The following NEB variants were observed in gnomAD, a reference collection of about 807,000 sequenced individuals.
The protein encoded by NEB is nebulin, also known as nemaline myopathy type 2.
In NEB, 512 loss-of-function variants were observed where a neutral mutation model predicts 952.2. The ratio of observed to expected loss-of-function variants is 0.54; its 90% CI spans 0.50 to 0.58. NEB has a LOEUF of 0.58. NEB is among the 20% of genes least tolerant of loss of function. The pLI is 0.00. For synonymous variants in NEB, 2,900 were observed against 3,149.8 expected (o/e 0.92, Z 2.66); for missense variants, 8,428 against 9,231.1 (o/e 0.91, Z 3.56).
chr2:151,567,584 TTTTG>T (rs1337395955), intron 113 of NEB, 105 bp from the exon 114 acceptor site: 9 of 1,077,284 alleles, frequency 8.4e-6, no homozygotes, highest in East Asian at 2.6e-5. Context: ...CCCCCCAGCT[TTTTG>T]TTTGACACCC....
intron 55 of NEB, among the ~76,000 whole-genome samples, chr2:151,645,235 A>C (rs913167376): frequency 6.6e-6 from 1 of 152,212 alleles, no homozygotes; most frequent in African/African-American, 2.4e-5. Context: ...CTGTTTCATT[A>C]GAAGTTTTTG....
At chr2:151,487,176 C>G (rs1357385798) in intron 181 of NEB, among the ~76,000 whole-genome samples, 1 of 152,072 alleles carries the variant, frequency 6.6e-6, no homozygotes, top group East Asian at 1.9e-4. Context: ...TTTGAAAACC[C>G]GTAGCACTAT....
At chr2:151,638,091 A>G (rs2098796618) in intron 63 of NEB, among the ~76,000 whole-genome samples, 1 of 152,242 alleles carries the variant, frequency 6.6e-6, no homozygotes, top group Non-Finnish European at 1.5e-5. Flanking sequence ...AGAAGAAATT[A>G]CAGAGATAAA....
At position 151,662,330 on chromosome 2, in the gene NEB, C is replaced by T. The variant is rs758849192; in HGVS notation, c.5775G>A (p.Lys1925=). Residue 1925 remains lysine (K), a synonymous_variant, in exon 46 of 182, where the codon AAG becomes AAA. Coordinates refer to ENST00000397345, the MANE Select transcript of NEB (RefSeq NM_001164508.2). ...MMQIQSDNQY[K]ADYADFMKGI... ...CCTTCATGAAGTCAGCATAGTCAGC[C>T]TTGTACTGATTCTGCAAAAGAGGAA... 1 of 1,584,546 alleles carries T rather than the reference C, an allele frequency of 6.3e-7. No homozygotes were observed. Among genetic ancestry groups the T allele is most frequent in the Non-Finnish European group, 8.6e-7 (1 of 1,164,302 alleles).
intron 156 of NEB, among the ~76,000 whole-genome samples, chr2:151,518,114 A>G (rs1319152176): frequency 6.6e-6 from 1 of 152,230 alleles, no homozygotes; most frequent in Admixed American, 6.5e-5. Context: ...CCAGTAGCAC[A>G]TAATTGCATG....
At chr2:151,506,873 G>A (rs2069461070) in intron 163 of NEB, 36 bp downstream of exon 163, 1 of 1,334,578 alleles carries the variant, frequency 7.5e-7, no homozygotes, top group Admixed American at 1.7e-5. Context: ...GAAATGACTA[G>A]GTTAGCATTA....
rs774219262 is a variant in NEB, at chr2:151,672,589, T to C, written c.4079A>G (p.Asn1360Ser). The C allele has an allele frequency of 2.5e-6, 4 of 1,613,900 alleles. No individual in the cohort carries two copies. Among genetic ancestry groups the C allele is most frequent in the Middle Eastern group, 1.6e-4 (1 of 6,084 alleles). ...ACGATCAGACTGCAGCTTTGCCACA[T>C]TCATATAGTGGACCAGCTTGGGATC... ...QDDPKLVHYM[N>S]VAKLQSDREY... is the part of the protein sequence containing the mutation. Residue 1360 changes from asparagine (N) to serine (S), a missense_variant, in exon 37 of 182, where the codon AAT becomes AGT. By Grantham distance (46) the Asn-to-Ser change is conservative (BLOSUM62 1). Around this residue, in one of 11 missense-constraint regions of NEB, gnomAD observed 2,851 missense variants for 2,791.5 expected, o/e 1.02. Coordinates refer to ENST00000397345, the MANE Select transcript of NEB (RefSeq NM_001164508.2).
chr2:151,624,136 A>G (rs1047888877), intron 71 of NEB, among the ~76,000 whole-genome samples: 1 of 152,190 alleles, frequency 6.6e-6, no homozygotes, highest in African/African-American at 2.4e-5. Flanking sequence ...TCCTCAGAGA[A>G]TCAACATCAT....
chr2:151,633,653 C>A lies in NEB; in HGVS notation c.9414+1G>T, dbSNP rs1255445731. 37 of 1,609,484 alleles carry A rather than the reference C, an allele frequency of 2.3e-5. No individual in the cohort carries two copies. Among genetic ancestry groups the A allele is most frequent in the Non-Finnish European group, 2.9e-5 (34 of 1,176,436 alleles). Reference sequence around the variant, plus strand: ...GCTCCATTTATAGATGCTGTACTCACGTCACTCTGGAGGTCATAGGCCTGC... The same window carrying A: ...GCTCCATTTATAGATGCTGTACTCAAGTCACTCTGGAGGTCATAGGCCTGC... On this transcript the variant is annotated splice_donor_variant, in intron 65 of 181. Transcript: ENST00000397345. LOFTEE classifies it high-confidence loss of function.
chr2:151,733,831 G>T (rs1257907014), intron 1 of NEB, 36 bp from the exon 2 acceptor site: 1 of 152,180 alleles, frequency 6.6e-6, no homozygotes, highest in Non-Finnish European at 1.5e-5. Flanking sequence ...ATTGATTGAG[G>T]TACATATAGG....
rs143956956 is a variant in NEB at position 151,680,959 on chromosome 2, T to C, written c.2944-131A>G. Reference sequence around the variant, plus strand: ...GATTTTAAAATGCAAAAACACTAGATTCTTGATTGGCTTGATGAATGCAAT... The same window carrying C: ...GATTTTAAAATGCAAAAACACTAGACTCTTGATTGGCTTGATGAATGCAAT... On this transcript the variant is annotated intron_variant, in intron 29 of 181. Coordinates refer to ENST00000397345, the MANE Select transcript of NEB (RefSeq NM_001164508.2). The C allele has an allele frequency of 2.4e-4, 183 of 747,438 alleles. 1 individual carries two copies. The East Asian group carries it at 4.3e-3, about 18-fold the overall frequency. The allele number at this position is 747,438 out of a possible 1,614,324, so 46.3% of individuals were successfully genotyped here. A position where few individuals can be genotyped will look rare whatever the true frequency, so the allele number is the denominator to read the frequency against.
Position 151,639,237 on chromosome 2 carries a change from G to A in NEB, c.8994+43C>T, listed in dbSNP as rs776570483. Reference sequence around the variant, plus strand: ...CATGTCATCATAGAGTAGATCAACTGAAATAAGCAGCAGTGTGCAAATGTC... The same window carrying A: ...CATGTCATCATAGAGTAGATCAACTAAAATAAGCAGCAGTGTGCAAATGTC... On this transcript the variant is annotated intron_variant, in intron 63 of 181. Coordinates refer to ENST00000397345, the MANE Select transcript of NEB (RefSeq NM_001164508.2). 4.9e-5 allele frequency: 70 copies of A among 1,415,642 alleles called. 1 individual carries two copies. In the South Asian group the frequency reaches 8.0e-4, roughly 16 times the overall value. The allele number at this position is 1,415,642 out of a possible 1,614,324, so 87.7% of individuals were successfully genotyped here. A position where few individuals can be genotyped will look rare whatever the true frequency, so the allele number is the denominator to read the frequency against.
At chr2:151,612,095 T>C (rs1470762885) in intron 78 of NEB, 91 bp downstream of exon 78, 8 of 1,397,642 alleles carry the variant, frequency 5.7e-6, no homozygotes, top group Middle Eastern at 2.5e-4. Context: ...TGACACCTCC[T>C]TTCTCAGGGA....
intron 153 of NEB, chr2:151,520,029 T>G: frequency 4.6e-6 from 1 of 218,092 alleles, no homozygotes; most frequent in Non-Finnish European, 8.3e-6. Context: ...CACCTCTTTC[T>G]AATGCAAAAC....
rs1165631470 is a variant in NEB at position 151,636,261 on chromosome 2, ACGATGGGGATGGCGT to A, written c.9053_9067del (p.Asp3018_Ile3022del). 1 of 1,610,434 alleles carries A rather than the reference ACGATGGGGATGGCGT, an allele frequency of 6.2e-7. No individual in the cohort carries two copies. Among genetic ancestry groups the A allele is most frequent in the Non-Finnish European group, 8.5e-7 (1 of 1,179,766 alleles). On this transcript the variant is annotated inframe_deletion, in exon 64 of 182. Coordinates refer to ENST00000397345, the MANE Select transcript of NEB (RefSeq NM_001164508.2). The stretch of plus-strand genomic sequence containing the variant: ...GATGTCCCTGGAGGCCTTGGCCGCC[ACGATGGGGATGGCGT>A]CGCTTCGCAAGTCATAGCCTTTCTT...
chr2:151,570,234 C>T lies in NEB; in HGVS notation c.17277G>A (p.Gln5759=). 8 of 1,613,786 alleles carry T rather than the reference C, an allele frequency of 5.0e-6. No homozygotes were observed. The highest frequency in any genetic ancestry group is 1.7e-5 in the Admixed American group (1 of 60,010). The change falls in exon 109 of 182, where the codon CAG becomes CAA. Residue 5759 remains glutamine, a synonymous_variant. Transcript: ENST00000397345. ...LDWAKWKAKI[Q]SPVDMLSILH... ...GGATGGAAAGCATGTCCACAGGGCTCTGGATCTTGGCCTTCCATTTGGCCC... is the reference window on the plus strand; with the variant it reads ...GGATGGAAAGCATGTCCACAGGGCTTTGGATCTTGGCCTTCCATTTGGCCC...
intron 106 of NEB, 50 bp from the exon 107 acceptor site, chr2:151,575,849 C>T (rs748573296): frequency 8.2e-7 from 1 of 1,222,516 alleles, no homozygotes; most frequent in South Asian, 1.2e-5. Flanking sequence ...TTTCATGTTG[C>T]TAGTCCCACT....
intron 136 of NEB, 45 bp downstream of exon 136, chr2:151,541,402 C>T: frequency 6.8e-7 from 1 of 1,468,952 alleles, no homozygotes; most frequent in Non-Finnish European, 9.4e-7. Context: ...ATATAATCAC[C>T]CCCTGTGATG....
chr2:151,697,832 C>T lies in NEB; in HGVS notation c.1153-184G>A, dbSNP rs535370004. On this transcript the variant is annotated intron_variant, in intron 13 of 181. Transcript: ENST00000397345. The stretch of plus-strand genomic sequence containing the variant: ...CTGTAATCCCAGCACTTTAGGAGGC[C>T]GAGGCGGGCGGATCACGAGGTCAGG... Among the ~76,000 whole-genome samples, 23 of 152,196 alleles carry T rather than the reference C, an allele frequency of 1.5e-4. No individual in the cohort carries two copies. In the South Asian group the frequency reaches 4.4e-3, roughly 29 times the overall value.
Sources: allele counts gnomAD v4.1 joint callset (sites outside exome capture counted in the v4.1 genomes callset), GRCh38; gene constraint gnomAD v4.1.1; regional missense constraint gnomAD v4.1.1; transcripts MANE v1.5; gene names NCBI Gene and HGNC (gene_info 2026-07-23, HGNC 2026-07-21).